The following PTPRM variants were observed in gnomAD, a reference collection of about 807,000 sequenced individuals.
PTPRM encodes receptor-type tyrosine-protein phosphatase mu.
PTPRM carries 47 observed loss-of-function variants against 186.7 expected under a neutral mutation model. That is an observed-to-expected ratio of 0.25 (90% confidence interval 0.20 to 0.32). The LOEUF is 0.32. Among genes scored for constraint, PTPRM ranks in the 10% least tolerant of loss-of-function variants. The pLI, the probability that PTPRM is intolerant of heterozygous loss-of-function variation, is 1.00. For synonymous variants in PTPRM, 668 were observed against 674.9 expected (o/e 0.99, Z 0.16); for missense variants, 1,494 against 1,865.0 (o/e 0.80, Z 3.66).
At chr18:8,084,660 A>G (rs1022023441) in intron 9 of PTPRM, among the ~76,000 whole-genome samples, 1 of 152,208 alleles carries the variant, frequency 6.6e-6, no homozygotes, top group African/African-American at 2.4e-5. Flanking sequence ...ATAAATTACA[A>G]GTAAGTTTAC....
chr18:7,824,404 C>T (rs1424676950), intron 2 of PTPRM, among the ~76,000 whole-genome samples: 11 of 151,854 alleles, frequency 7.2e-5, no homozygotes, highest in Admixed American at 1.3e-4. Context: ...AGCAGGTGGA[C>T]GTGGTGATGT....
At chr18:7,657,153 A>G (rs570039575) in intron 1 of PTPRM, among the ~76,000 whole-genome samples, 1 of 152,230 alleles carries the variant, frequency 6.6e-6, no homozygotes, top group Non-Finnish European at 1.5e-5. Flanking sequence ...CAGTCACCAT[A>G]CTTACCCTCT....
At chr18:7,786,133 A>G (rs2043087186) in intron 2 of PTPRM, among the ~76,000 whole-genome samples, 1 of 152,190 alleles carries the variant, frequency 6.6e-6, no homozygotes, top group African/African-American at 2.4e-5. Context: ...ACTTTATTCT[A>G]GGAGATTGTG....
At chr18:7,881,437 G>T (rs189335292) in intron 2 of PTPRM, among the ~76,000 whole-genome samples, 2 of 152,290 alleles carry the variant, frequency 1.3e-5, no homozygotes, top group East Asian at 3.9e-4. Flanking sequence ...CTCCGTCTTG[G>T]AGTAGGGCAG....
At chr18:8,304,821 A>AT (rs34216473) in intron 20 of PTPRM, among the ~76,000 whole-genome samples, 131 of 131,312 alleles carry the variant, frequency 1.0e-3, no homozygotes, top group African/African-American at 2.5e-3. Context: ...TGTTGACTTT[A>AT]TTTTTTTTTT....
chr18:8,349,393 G>A (rs1429939200), intron 23 of PTPRM, among the ~76,000 whole-genome samples: 1 of 152,182 alleles, frequency 6.6e-6, no homozygotes, highest in Non-Finnish European at 1.5e-5. Context: ...TCCGTCTTGA[G>A]CACTCACTGT....
chr18:8,042,755 T>A (rs917655485), intron 7 of PTPRM, among the ~76,000 whole-genome samples: 6 of 152,108 alleles, frequency 3.9e-5, no homozygotes, highest in African/African-American at 1.4e-4. Flanking sequence ...CAATACTGCC[T>A]TCAGTTTGAG....
At chr18:8,035,086 T>A (rs1388677733) in intron 7 of PTPRM, among the ~76,000 whole-genome samples, 1 of 152,172 alleles carries the variant, frequency 6.6e-6, no homozygotes, top group Admixed American at 6.5e-5. Flanking sequence ...TTCCCCACAG[T>A]GGACAGCCTA....
chr18:8,232,547 T>A (rs2094299623), intron 14 of PTPRM, among the ~76,000 whole-genome samples: 1 of 152,156 alleles, frequency 6.6e-6, no homozygotes, highest in African/African-American at 2.4e-5. Flanking sequence ...TTTTTTGAGA[T>A]GGAGTCTCAC....
intron 1 of PTPRM, among the ~76,000 whole-genome samples, chr18:7,672,408 T>G (rs2039238001): frequency 6.6e-6 from 1 of 152,210 alleles, no homozygotes; most frequent in Non-Finnish European, 1.5e-5. Flanking sequence ...GCTTAAAAAT[T>G]AAACGAAGAC....
At chr18:8,228,078 C>T (rs1260357141) in intron 14 of PTPRM, among the ~76,000 whole-genome samples, 2 of 152,266 alleles carry the variant, frequency 1.3e-5, no homozygotes, top group South Asian at 2.1e-4. Context: ...TGGGGAATGG[C>T]GTTAGGCGCT....
At chr18:7,844,159 G>A (rs1002508277) in intron 2 of PTPRM, among the ~76,000 whole-genome samples, 42 of 152,164 alleles carry the variant, frequency 2.8e-4, no homozygotes, top group African/African-American at 9.7e-4. Flanking sequence ...ACTCAGTAGA[G>A]GAGTGTCTGT....
chr18:8,143,180 CT>C (rs1175641363), intron 13 of PTPRM, among the ~76,000 whole-genome samples: 1 of 152,086 alleles, frequency 6.6e-6, no homozygotes, highest in Admixed American at 6.6e-5. Context: ...GGTAAATGAG[CT>C]TATCTCAGTT....
intron 2 of PTPRM, among the ~76,000 whole-genome samples, chr18:7,781,445 AT>A (rs1034020980): frequency 3.9e-5 from 6 of 152,016 alleles, no homozygotes; most frequent in East Asian, 1.9e-4. Flanking sequence ...AAATACACTG[AT>A]TTTTTTTCTC....
intron 11 of PTPRM, among the ~76,000 whole-genome samples, chr18:8,100,348 C>T (rs1168647667): frequency 6.6e-6 from 1 of 152,130 alleles, no homozygotes; most frequent in Non-Finnish European, 1.5e-5. Flanking sequence ...GCTATGTTGG[C>T]CAAGCTGGTT....
chr18:7,881,569 C>A (rs553039315), intron 2 of PTPRM, among the ~76,000 whole-genome samples: 2 of 152,188 alleles, frequency 1.3e-5, no homozygotes, highest in Non-Finnish European at 2.9e-5. Flanking sequence ...TGGCCCTATC[C>A]GATGCTTTCA....
At chr18:8,172,721 C>A (rs1442673340) in intron 14 of PTPRM, among the ~76,000 whole-genome samples, 1 of 150,744 alleles carries the variant, frequency 6.6e-6, no homozygotes, top group Non-Finnish European at 1.5e-5. Context: ...AAAAAAAAAA[C>A]TTCTGCTTAA....
At chr18:7,646,711 G>A (rs2038572803) in intron 1 of PTPRM, among the ~76,000 whole-genome samples, 1 of 152,144 alleles carries the variant, frequency 6.6e-6, no homozygotes, top group Non-Finnish European at 1.5e-5. Context: ...TCTTACCTGA[G>A]CAGGGACTGC....
rs190614171 is a variant in PTPRM, at chr18:7,985,242, T to A, written c.1132+29828T>A. On this transcript the variant is annotated intron_variant, in intron 7 of 32. Coordinates refer to ENST00000580170, the MANE Select transcript of PTPRM (RefSeq NM_001105244.2). Reference sequence around the variant, plus strand: ...ACACATATAAATATATACATATAATTGTATATACACATATAAATATATACA... The same window carrying A: ...ACACATATAAATATATACATATAATAGTATATACACATATAAATATATACA... Among the ~76,000 whole-genome samples, 22 of 103,952 alleles carry A rather than the reference T, an allele frequency of 2.1e-4. No individual in the cohort carries two copies. The East Asian group carries it at 2.7e-3, about 13-fold the overall frequency. 68.2% of individuals were successfully genotyped at this position (103,952 alleles called of 152,430 possible).
Sources: gnomAD v4.1 joint callset for allele counts (sites outside exome capture counted in the v4.1 genomes callset) on GRCh38, gnomAD v4.1.1 for gene constraint, MANE v1.5 for transcripts, NCBI Gene and HGNC (gene_info 2026-07-23, HGNC 2026-07-21) for gene names.